The following C5orf63 variants were observed in gnomAD, a reference collection of about 807,000 sequenced individuals.
C5orf63 encodes the protein chromosome 5 open reading frame 63.
A neutral mutation model predicts 13.3 loss-of-function variants in C5orf63; 18 were observed. The observed-to-expected ratio is 1.36, with a 90% CI of 0.94 to 2.01. C5orf63 has a LOEUF of 2.01. Among genes scored for constraint, C5orf63 ranks in the 30% most tolerant of loss-of-function variants. The pLI is 0.00. For missense variants in C5orf63, 118 were observed against 127.7 expected (o/e 0.92, Z 0.36); for synonymous variants, 38 against 44.7 (o/e 0.85, Z 0.60).
chr5:127,052,499 A>AG, intron 4 of C5orf63, 114 bp downstream of exon 4: 1 of 777,488 alleles, frequency 1.3e-6, no homozygotes, highest in Non-Finnish European at 1.8e-6. Flanking sequence ...CAGAAAGAAA[A>AG]TTTAAAAGAA....
intron 3 of C5orf63, among the ~76,000 whole-genome samples, chr5:127,057,801 C>A (rs562125488): frequency 6.6e-6 from 1 of 152,204 alleles, no homozygotes; most frequent in East Asian, 1.9e-4. Flanking sequence ...GTGCATAGTG[C>A]CAGGATTTTT....
At chr5:127,071,136 G>T (rs1032853671) in intron 2 of C5orf63, among the ~76,000 whole-genome samples, 5 of 152,188 alleles carry the variant, frequency 3.3e-5, no homozygotes, top group African/African-American at 1.2e-4. Flanking sequence ...AAATATAAAA[G>T]TGATTAAGAT....
chr5:127,067,625 T>C (rs1754379359), intron 2 of C5orf63, among the ~76,000 whole-genome samples: 1 of 152,160 alleles, frequency 6.6e-6, no homozygotes, highest in Non-Finnish European at 1.5e-5. Flanking sequence ...AATTTAGATT[T>C]TGAGAAATCA....
chr5:127,059,005 G>T lies in C5orf63; in HGVS notation c.-7-3C>A. The T allele has an allele frequency of 6.6e-7, 1 of 1,506,558 alleles. No homozygotes were observed. The highest frequency in any genetic ancestry group is 8.9e-7 in the Non-Finnish European group (1 of 1,118,984). The allele number at this position is 1,506,558 out of a possible 1,614,324, so 93.3% of individuals were successfully genotyped here. A position where few individuals can be genotyped will look rare whatever the true frequency, so the allele number is the denominator to read the frequency against. On this transcript the variant is annotated splice_polypyrimidine_tract_variant and splice_region_variant and intron_variant, in intron 2 of 4. Transcript: ENST00000296662. ...CTTGAAACCAGAGCATCTTAATTCT[G>T]CCAAAAGAAAAATAAAGCAGTAAAC...
intron 2 of C5orf63, among the ~76,000 whole-genome samples, chr5:127,066,783 A>G (rs1459445327): frequency 6.6e-6 from 1 of 152,162 alleles, no homozygotes; most frequent in African/African-American, 2.4e-5. Context: ...TACAGAAAAA[A>G]AAAGAGGGCC....
At chr5:127,044,748 T>G (rs1332898015), downstream of C5orf63, 2 of 151,978 alleles carry the variant, frequency 1.3e-5, no homozygotes, top group Non-Finnish European at 2.9e-5. Context: ...AGGTAGAATG[T>G]TATGGCTACC....
At chr5:127,073,364 C>T (rs1470281738) in intron 1 of C5orf63, 87 bp downstream of exon 1, 3 of 152,322 alleles carry the variant, frequency 2.0e-5, no homozygotes, top group Non-Finnish European at 4.4e-5. Flanking sequence ...CAGCACGCGG[C>T]ACAGCGAACC....
At chr5:127,056,739 C>T (rs1183219496) in intron 3 of C5orf63, among the ~76,000 whole-genome samples, 1 of 152,206 alleles carries the variant, frequency 6.6e-6, no homozygotes, top group Non-Finnish European at 1.5e-5. Context: ...AGATTGTTAA[C>T]ATGTTTAGTT....
At chr5:127,045,374 T>G (rs1753500699) in exon 5 of C5orf63, 1 of 152,226 alleles carries the variant, frequency 6.6e-6, no homozygotes, top group Non-Finnish European at 1.5e-5. Flanking sequence ...CTGGAGGCCA[T>G]TCACATTCCT....
At chr5:127,052,746 A>C in intron 3 of C5orf63, 77 bp from the exon 4 acceptor site, 1 of 1,156,972 alleles carries the variant, frequency 8.6e-7, no homozygotes, top group Non-Finnish European at 1.1e-6. Flanking sequence ...ACAAAACAAA[A>C]AACCCATAAG....
downstream of C5orf63, among the ~76,000 whole-genome samples, chr5:127,050,445 T>C (rs922369568): frequency 6.6e-6 from 1 of 152,150 alleles, no homozygotes; most frequent in African/African-American, 2.4e-5. Flanking sequence ...TAGCTGGGAC[T>C]ATAGGCATGT....
chr5:127,058,175 G>A (rs1753960712), intron 3 of C5orf63, among the ~76,000 whole-genome samples: 1 of 152,076 alleles, frequency 6.6e-6, no homozygotes, highest in African/African-American at 2.4e-5. Context: ...CACCTGATAG[G>A]TAGTTTTTCG....
chr5:127,057,613 C>T (rs1322879549), intron 3 of C5orf63, among the ~76,000 whole-genome samples: 1 of 152,170 alleles, frequency 6.6e-6, no homozygotes, highest in African/African-American at 2.4e-5. Context: ...TCCTTGCAAC[C>T]CCCAAGTCAA....
At chr5:127,057,634 G>A (rs539727661) in intron 3 of C5orf63, among the ~76,000 whole-genome samples, 6 of 152,284 alleles carry the variant, frequency 3.9e-5, no homozygotes, top group African/African-American at 9.6e-5. Flanking sequence ...TACTTGAAGC[G>A]CTTTTGCAGG....
intron 3 of C5orf63, 64 bp downstream of exon 3, chr5:127,058,818 T>C: frequency 9.5e-7 from 1 of 1,055,108 alleles, no homozygotes; most frequent in Non-Finnish European, 1.4e-6. Flanking sequence ...TCCTTTCAAC[T>C]TTGTCCCTTT....
chr5:127,045,934 C>T (rs1396310592), exon 5 of C5orf63: 1 of 152,224 alleles, frequency 6.6e-6, no homozygotes, highest in African/African-American at 2.4e-5. Context: ...TGAGCTTCTC[C>T]CATTCCTAGT....
intron 2 of C5orf63, among the ~76,000 whole-genome samples, chr5:127,068,550 A>G (rs1754412156): frequency 6.6e-6 from 1 of 152,152 alleles, no homozygotes. Context: ...TTACTATTAA[A>G]CACATTTTAA....
intron 2 of C5orf63, among the ~76,000 whole-genome samples, chr5:127,067,336 C>T (rs1754367667): frequency 6.6e-6 from 1 of 152,100 alleles, no homozygotes; most frequent in African/African-American, 2.4e-5. Context: ...CTGAAATGTG[C>T]TTTTACTGGC....
chr5:127,044,769 C>CTTTTTTTTTTTT (rs5871239), downstream of C5orf63: 2 of 127,900 alleles, frequency 1.6e-5, no homozygotes, highest in Non-Finnish European at 1.6e-5. Flanking sequence ...TCATTCTATG[C>CTTTTTTTTTTTT]TTTTTTTTTT....
Sources: allele counts gnomAD v4.1 joint callset (sites outside exome capture counted in the v4.1 genomes callset), GRCh38; gene constraint gnomAD v4.1.1; transcripts MANE v1.5; gene names NCBI Gene and HGNC (gene_info 2026-07-23, HGNC 2026-07-21).